The following KIAA1217 variants were observed in gnomAD, a reference collection of about 807,000 sequenced individuals.
The protein encoded by KIAA1217 is sickle tail protein homolog.
In KIAA1217, 88 loss-of-function variants were observed where a neutral mutation model predicts 163.9. That is an observed-to-expected ratio of 0.54 (90% CI 0.45 to 0.64). KIAA1217 has a LOEUF of 0.64. Ranked by LOEUF, KIAA1217 falls within the 30% of genes least tolerant of loss-of-function variation. The pLI is 0.00. For synonymous variants in KIAA1217, 903 were observed against 923.1 expected, an observed-to-expected ratio of 0.98 and a Z score of 0.39; for missense variants, 2,372 against 2,475.0, an observed-to-expected ratio of 0.96 and a Z score of 0.88.
At chr10:24,127,064 G>GTTCT (rs1271372519) in intron 2 of KIAA1217, among the ~76,000 whole-genome samples, 1 of 152,030 alleles carries the variant, frequency 6.6e-6, no homozygotes, top group African/African-American at 2.4e-5. Context: ...AAGTTATCAG[G>GTTCT]TTCTTTAAGA....
At chr10:23,934,084 CT>C (rs1843370486) in intron 1 of KIAA1217, among the ~76,000 whole-genome samples, 1 of 152,262 alleles carries the variant, frequency 6.6e-6, no homozygotes, top group Middle Eastern at 3.4e-3. Context: ...AAAACAGATG[CT>C]GCATATGTTT....
chr10:23,922,245 G>A (rs1301403710), intron 1 of KIAA1217, among the ~76,000 whole-genome samples: 1 of 152,162 alleles, frequency 6.6e-6, no homozygotes, highest in Non-Finnish European at 1.5e-5. Flanking sequence ...CAGAAAGGTG[G>A]CATCCCCAGA....
chr10:23,898,421 A>G (rs1018826294), intron 1 of KIAA1217, among the ~76,000 whole-genome samples: 11 of 152,106 alleles, frequency 7.2e-5, no homozygotes, highest in South Asian at 2.1e-4. Context: ...TGAAGACCTC[A>G]TGTACCATTT....
chr10:23,754,671 G>A (rs1216904975), intron 1 of KIAA1217, among the ~76,000 whole-genome samples: 1 of 152,104 alleles, frequency 6.6e-6, no homozygotes, highest in African/African-American at 2.4e-5. Flanking sequence ...AGGATAAAGT[G>A]TCCGCCTCCT....
At chr10:24,175,553 T>A (rs2065841036) in intron 2 of KIAA1217, among the ~76,000 whole-genome samples, 1 of 152,158 alleles carries the variant, frequency 6.6e-6, no homozygotes, top group African/African-American at 2.4e-5. Context: ...TCATTCATTC[T>A]TTTTTTGAGT....
At chr10:24,101,399 T>A (rs2062410405) in intron 2 of KIAA1217, among the ~76,000 whole-genome samples, 1 of 152,202 alleles carries the variant, frequency 6.6e-6, no homozygotes, top group African/African-American at 2.4e-5. Context: ...AAAATTTGTT[T>A]TTAAGTATTT....
At chr10:23,818,499 G>C (rs979037174) in intron 1 of KIAA1217, among the ~76,000 whole-genome samples, 9 of 151,650 alleles carry the variant, frequency 5.9e-5, no homozygotes, top group Non-Finnish European at 1.3e-4. Context: ...CAGATTCCCT[G>C]TTGGTAGTAG....
intron 2 of KIAA1217, among the ~76,000 whole-genome samples, chr10:24,374,079 G>C (rs993190420): frequency 1.3e-5 from 2 of 152,186 alleles, no homozygotes; most frequent in African/African-American, 2.4e-5. Context: ...GGAGAAAAGT[G>C]TTGAAATATT....
intron 1 of KIAA1217, among the ~76,000 whole-genome samples, chr10:23,844,216 T>A (rs1234205453): frequency 6.6e-6 from 1 of 152,226 alleles, no homozygotes; most frequent in Non-Finnish European, 1.5e-5. Context: ...CACTTTGTTT[T>A]TCCTACCAGA....
At chr10:23,864,072 G>GTTATTATTATTATTA (rs148144520) in intron 1 of KIAA1217, among the ~76,000 whole-genome samples, 2 of 149,164 alleles carry the variant, frequency 1.3e-5, no homozygotes, top group African/African-American at 4.9e-5. Flanking sequence ...TTGTAAAGTA[G>GTTATTATTATTATTA]TTATTATTAT....
At chr10:23,928,064 A>G (rs1843102428) in intron 1 of KIAA1217, among the ~76,000 whole-genome samples, 1 of 152,206 alleles carries the variant, frequency 6.6e-6, no homozygotes, top group Admixed American at 6.5e-5. Context: ...ATAGCTTAAA[A>G]GAAACAATGG....
intron 1 of KIAA1217, among the ~76,000 whole-genome samples, chr10:23,839,060 G>T (rs1838639657): frequency 6.6e-6 from 1 of 151,642 alleles, no homozygotes; most frequent in African/African-American, 2.4e-5. Context: ...ACATTTTATT[G>T]ATTTTTCCAC....
chr10:24,545,804 T>C (rs758999719), intron 20 of KIAA1217, 23 bp from the exon 21 acceptor site: 9 of 1,556,870 alleles, frequency 5.8e-6, no homozygotes, highest in Non-Finnish European at 6.9e-6. Flanking sequence ...TGACAAAATG[T>C]CTCCCGCCAT....
chr10:24,139,507 C>T (rs2063966338), intron 2 of KIAA1217, among the ~76,000 whole-genome samples: 1 of 151,974 alleles, frequency 6.6e-6, no homozygotes, highest in Admixed American at 6.6e-5. Context: ...TTAGAGTTTG[C>T]CTGCTTCATT....
At chr10:23,766,587 CT>C (rs766892555) in intron 1 of KIAA1217, among the ~76,000 whole-genome samples, 1 of 133,776 alleles carries the variant, frequency 7.5e-6, no homozygotes, top group Non-Finnish European at 1.6e-5. Context: ...TTCTTTCTTT[CT>C]TTTTTCTTTT....
intron 2 of KIAA1217, among the ~76,000 whole-genome samples, chr10:24,127,992 T>C (rs1328893992): frequency 6.6e-6 from 1 of 152,216 alleles, no homozygotes; most frequent in East Asian, 1.9e-4. Context: ...ATTCTTCTCA[T>C]ACTCAATACC....
chr10:24,017,283 C>T (rs902525221), intron 2 of KIAA1217, among the ~76,000 whole-genome samples: 1 of 152,006 alleles, frequency 6.6e-6, no homozygotes, highest in Non-Finnish European at 1.5e-5. Flanking sequence ...TGGTCTGGAA[C>T]TCCTGACCTC....
chr10:24,078,357 G>T (rs1474121609), intron 2 of KIAA1217, among the ~76,000 whole-genome samples: 1 of 152,166 alleles, frequency 6.6e-6, no homozygotes, highest in Admixed American at 6.5e-5. Flanking sequence ...CAGGTACCTG[G>T]AGAAAGAACG....
chr10:24,097,553 A>AAG (rs1356909770), intron 2 of KIAA1217, among the ~76,000 whole-genome samples: 2 of 151,862 alleles, frequency 1.3e-5, no homozygotes, highest in Admixed American at 6.6e-5. Context: ...TAGAAAGAAA[A>AAG]AGAGAGAGAG....
Sources: allele counts gnomAD v4.1 joint callset (sites outside exome capture counted in the v4.1 genomes callset), GRCh38; gene constraint gnomAD v4.1.1; transcripts MANE v1.5; gene names NCBI Gene and HGNC (gene_info 2026-07-23, HGNC 2026-07-21).